Variants in AGPS observed in about 807,000 individuals in gnomAD.
AGPS encodes the protein alkyldihydroxyacetonephosphate synthase, peroxisomal.
AGPS carries 26 observed loss-of-function variants against 90.7 expected under a neutral mutation model. The ratio of observed to expected loss-of-function variants is 0.29; its 90% CI spans 0.21 to 0.40. The LOEUF (loss-of-function observed/expected upper bound fraction) is 0.40, where lower values mean the gene tolerates loss of function less well. AGPS is among the 10% of genes least tolerant of loss of function. The pLI, the probability that AGPS is intolerant of heterozygous loss-of-function variation, is 1.00. For synonymous variants in AGPS, 294 were observed against 285.3 expected (o/e 1.03, Z -0.31); for missense variants, 540 against 816.1 (o/e 0.66, Z 4.12).
At chr2:177,450,576 C>T (rs1383308417) in intron 8 of AGPS, among the ~76,000 whole-genome samples, 2 of 152,118 alleles carry the variant, frequency 1.3e-5, no homozygotes, top group Non-Finnish European at 2.9e-5. Flanking sequence ...GTTGACTTTG[C>T]ACCATCATTT....
intron 10 of AGPS, among the ~76,000 whole-genome samples, chr2:177,469,878 T>G (rs1324751058): frequency 6.6e-6 from 1 of 152,218 alleles, no homozygotes; most frequent in African/African-American, 2.4e-5. Flanking sequence ...AAATTCTAGT[T>G]GCTAGATATT....
intron 6 of AGPS, chr2:177,441,269 C>A (rs1686592819): frequency 2.2e-6 from 1 of 463,894 alleles, no homozygotes; most frequent in Non-Finnish European, 3.8e-6. Context: ...CTAGTTGAAG[C>A]TGTAATTTAA....
chr2:177,404,992 T>C (rs1021201961), intron 1 of AGPS, among the ~76,000 whole-genome samples: 4 of 152,182 alleles, frequency 2.6e-5, no homozygotes, highest in African/African-American at 4.8e-5. Context: ...AAAGGGAAAT[T>C]TATTCTAAGA....
intron 19 of AGPS, among the ~76,000 whole-genome samples, chr2:177,529,486 A>G (rs2079118358): frequency 6.6e-6 from 1 of 152,118 alleles, no homozygotes; most frequent in Admixed American, 6.5e-5. Context: ...AAAAAAAGAA[A>G]AGAAAAAAGG....
At chr2:177,477,752 C>T (rs951915078) in intron 10 of AGPS, among the ~76,000 whole-genome samples, 2 of 152,098 alleles carry the variant, frequency 1.3e-5, no homozygotes, top group African/African-American at 2.4e-5. Context: ...CATCTGTAAT[C>T]GTATCCTTAG....
chr2:177,495,220 G>A (rs572907130), intron 12 of AGPS, among the ~76,000 whole-genome samples: 18 of 152,162 alleles, frequency 1.2e-4, no homozygotes, highest in African/African-American at 3.9e-4. Context: ...CACTTATCAC[G>A]TAATAGGCAT....
In AGPS at chr2:177,493,156, TC is replaced by T; in HGVS notation, c.1244del (p.Pro415ArgfsTer33). The T allele has an allele frequency of 6.2e-7, 1 of 1,613,190 alleles. No individual in the cohort carries two copies. The highest frequency in any genetic ancestry group is 8.5e-7 in the Non-Finnish European group (1 of 1,179,478). ...TTTTCTTTTTAAAACAGAGATGTGC[TC>T]CGGCATCTATTCGCCTCATGGACAA... ...LREIAKQRCA[P>X]ASIRLMDNKQ... On this transcript the variant is annotated frameshift_variant, in exon 12 of 20. Transcript: ENST00000264167. LOFTEE classifies it high-confidence loss of function.
rs148418568 is a variant in AGPS, at chr2:177,499,635, A to C, written c.1380A>C (p.Pro460=). The C allele has an allele frequency of 3.7e-4, 596 of 1,610,246 alleles. 3 individuals carry two copies. The Middle Eastern group carries it at 8.1e-3, about 22-fold the overall frequency. The change falls in exon 14 of 20, where the codon CCA becomes CCC. Residue 460 remains proline (P), a synonymous_variant. Transcript: ENST00000264167. ...FYITKFKGFD[P]NQLSVATLLF... ...TTTTGTAGTTTAAAGGATTTGACCC[A>C]AATCAGCTAAGTGTAGCCACATTAC...
rs746107125 is a variant in AGPS at position 177,440,889 on chromosome 2, G to A, written c.638-76G>A. On this transcript the variant is annotated intron_variant, in intron 5 of 19. Transcript: ENST00000264167. ...AGGAAAAGTTTAGATAAAGAATTTC[G>A]TAGGTTCTTATTTGCCAAGGTTATC... The A allele has an allele frequency of 4.0e-5, 50 of 1,239,068 alleles. 1 individual carries two copies. Among genetic ancestry groups the A allele is most frequent in the South Asian group, 2.2e-4 (18 of 81,698 alleles). The allele number at this position is 1,239,068 out of a possible 1,614,324, so 76.8% of individuals were successfully genotyped here.
At chr2:177,465,883 C>T (rs1687431679) in intron 9 of AGPS, among the ~76,000 whole-genome samples, 1 of 152,270 alleles carries the variant, frequency 6.6e-6, no homozygotes, top group Admixed American at 6.5e-5. Flanking sequence ...GGGTGTGTTT[C>T]AGCCCTGTTT....
At chr2:177,434,074 G>T (rs1482649884) in intron 2 of AGPS, among the ~76,000 whole-genome samples, 4 of 152,150 alleles carry the variant, frequency 2.6e-5, no homozygotes, top group Non-Finnish European at 5.9e-5. Flanking sequence ...GGAAACTTAT[G>T]AACTTATGTA....
chr2:177,493,345 A>G (rs2105705645), intron 12 of AGPS, 146 bp downstream of exon 12: 3 of 746,284 alleles, frequency 4.0e-6, no homozygotes, highest in Non-Finnish European at 4.7e-6. Flanking sequence ...AGACAATTAC[A>G]TAAATGAGTG....
In AGPS at chr2:177,425,101, T is replaced by G. The variant is rs192815784; in HGVS notation, c.350+4743T>G. On this transcript the variant is annotated intron_variant, in intron 2 of 19. Transcript: ENST00000264167. ...TTTAATTAGATCTCATTTGTCAATTTTGGCTTTTGCTGCAATTGCTTTTGG... is the reference window on the plus strand; with the variant it reads ...TTTAATTAGATCTCATTTGTCAATTGTGGCTTTTGCTGCAATTGCTTTTGG... 2.1e-3 allele frequency among the ~76,000 whole-genome samples: 326 copies of G among 152,322 alleles called. 4 individuals carry two copies. Among genetic ancestry groups the G allele is most frequent in the Non-Finnish European group, 3.1e-4 (21 of 68,024 alleles).
chr2:177,462,729 A>T (rs1451556788), intron 9 of AGPS, among the ~76,000 whole-genome samples: 1 of 152,226 alleles, frequency 6.6e-6, no homozygotes, highest in Non-Finnish European at 1.5e-5. Flanking sequence ...AACAATTTAC[A>T]TAGTATTTAC....
intron 1 of AGPS, among the ~76,000 whole-genome samples, chr2:177,413,088 T>C (rs1173593548): frequency 6.6e-6 from 1 of 152,150 alleles, no homozygotes; most frequent in East Asian, 1.9e-4. Flanking sequence ...CAGAAGAGTA[T>C]GCAGTTGCAA....
chr2:177,434,294 T>G, intron 2 of AGPS, 33 bp from the exon 3 acceptor site: 1 of 1,465,190 alleles, frequency 6.8e-7, no homozygotes, highest in Non-Finnish European at 9.5e-7. Flanking sequence ...GAAGATACTT[T>G]GCTCTAATAT....
intron 19 of AGPS, among the ~76,000 whole-genome samples, 155 bp downstream of exon 19, chr2:177,523,960 ATAGT>A (rs996641442): frequency 1.3e-5 from 2 of 152,196 alleles, no homozygotes; most frequent in Non-Finnish European, 1.5e-5. Flanking sequence ...ACTGAGGTAG[ATAGT>A]TAGGTTGTGG....
At chr2:177,480,544 C>T (rs1305371843) in intron 10 of AGPS, among the ~76,000 whole-genome samples, 1 of 151,816 alleles carries the variant, frequency 6.6e-6, no homozygotes, top group Non-Finnish European at 1.5e-5. Context: ...CACTTGGACA[C>T]AGGAAGGGGA....
intron 17 of AGPS, among the ~76,000 whole-genome samples, chr2:177,515,822 T>G (rs1310681886): frequency 6.6e-6 from 1 of 152,208 alleles, no homozygotes. Context: ...AGTTAGAATA[T>G]GCAAAGCCTA....
Sources: gnomAD v4.1 joint callset for allele counts (sites outside exome capture counted in the v4.1 genomes callset) on GRCh38, gnomAD v4.1.1 for gene constraint, MANE v1.5 for transcripts, NCBI Gene and HGNC (gene_info 2026-07-23, HGNC 2026-07-21) for gene names.